Variants in NAT1 observed in about 807,000 individuals in gnomAD.
NAT1 encodes the protein arylamine N-acetyltransferase 1.
For missense variants in NAT1, 400 were observed against 339.2 expected (o/e 1.18, Z -1.41); for synonymous variants, 144 against 122.6 (o/e 1.17, Z -1.16).
chr8:18,177,829 A>G (rs1802347308), intron 2 of NAT1, among the ~76,000 whole-genome samples: 1 of 152,104 alleles, frequency 6.6e-6, no homozygotes, highest in South Asian at 2.1e-4. Context: ...GGCAGCTTAG[A>G]AGACGGATGT....
intron 2 of NAT1, among the ~76,000 whole-genome samples, chr8:18,182,790 T>C (rs1400574266): frequency 6.6e-6 from 1 of 152,192 alleles, no homozygotes; most frequent in Non-Finnish European, 1.5e-5. Flanking sequence ...TGTTGGGATT[T>C]AGATGGGGAT....
chr8:18,220,449 A>G (rs1249436821), intron 2 of NAT1, among the ~76,000 whole-genome samples: 2 of 152,236 alleles, frequency 1.3e-5, no homozygotes, highest in African/African-American at 4.8e-5. Flanking sequence ...CAAAAGAGTT[A>G]TACCTGAGGT....
chr8:18,179,878 G>A (rs1563162322), intron 2 of NAT1, among the ~76,000 whole-genome samples: 1 of 152,248 alleles, frequency 6.6e-6, no homozygotes, highest in South Asian at 2.1e-4. Context: ...TGCCTCTAAT[G>A]ATTTGCAGTG....
At chr8:18,188,529 C>G (rs1182692818) in intron 2 of NAT1, among the ~76,000 whole-genome samples, 1 of 151,960 alleles carries the variant, frequency 6.6e-6, no homozygotes, top group Non-Finnish European at 1.5e-5. Flanking sequence ...ATTTTATCAA[C>G]TTTTATTAAA....
At position 18,221,671 on chromosome 8, in the gene NAT1, C is replaced by T. The variant is rs540732483; in HGVS notation, c.-6-371C>T. 4.2e-5 allele frequency: 8 copies of T among 191,364 alleles called. No homozygotes were observed. In the South Asian group the frequency reaches 8.7e-4, roughly 21 times the overall value. 11.9% of individuals were successfully genotyped at this position (191,364 alleles called of 1,614,324 possible). A position where few individuals can be genotyped will look rare whatever the true frequency, so the allele number is the denominator to read the frequency against. On this transcript the variant is annotated intron_variant, in intron 2 of 2. Coordinates refer to ENST00000307719, the MANE Select transcript of NAT1 (RefSeq NM_000662.8). ...TCAGGTACCACGGATACTATACACT[C>T]TATTGCATGATTCTCCTGCCTACAT...
chr8:18,203,617 T>A (rs1351707029), intron 2 of NAT1, among the ~76,000 whole-genome samples: 1 of 152,242 alleles, frequency 6.6e-6, no homozygotes, highest in Non-Finnish European at 1.5e-5. Flanking sequence ...TTGTGCCTCC[T>A]GGCTATGCTG....
chr8:18,206,459 A>T (rs949141710), upstream of NAT1, among the ~76,000 whole-genome samples: 2 of 152,160 alleles, frequency 1.3e-5, no homozygotes, highest in Admixed American at 6.5e-5. Context: ...GAAAAACTGA[A>T]TGCTATTCCT....
intron 2 of NAT1, among the ~76,000 whole-genome samples, chr8:18,173,817 A>C (rs1053963584): frequency 6.6e-6 from 1 of 152,162 alleles, no homozygotes; most frequent in African/African-American, 2.4e-5. Context: ...ACTACCCCAT[A>C]ACATCAGAGA....
upstream of NAT1, among the ~76,000 whole-genome samples, chr8:18,208,232 G>A (rs1248309352): frequency 1.3e-5 from 2 of 151,940 alleles, no homozygotes; most frequent in Admixed American, 6.6e-5. Context: ...GGCACACATT[G>A]ACCTACGTAA....
chr8:18,187,064 T>C (rs115087405), intron 2 of NAT1, among the ~76,000 whole-genome samples: 4,832 of 152,272 alleles, frequency 0.032, 242 homozygotes, highest in African/African-American at 0.11. Context: ...TAACATCTTT[T>C]GCCACCTATA....
At chr8:18,199,023 C>T (rs1803351445) in intron 2 of NAT1, among the ~76,000 whole-genome samples, 1 of 151,656 alleles carries the variant, frequency 6.6e-6, no homozygotes, top group South Asian at 2.1e-4. Context: ...CCTTTAAGAC[C>T]TTTTTTTTGG....
intron 2 of NAT1, among the ~76,000 whole-genome samples, chr8:18,187,693 G>T (rs1277971346): frequency 6.6e-6 from 1 of 151,874 alleles, no homozygotes; most frequent in Non-Finnish European, 1.5e-5. Flanking sequence ...CACACACTGG[G>T]GCCTACTTGA....
chr8:18,213,883 G>A (rs933614486), intron 1 of NAT1, among the ~76,000 whole-genome samples: 48 of 150,206 alleles, frequency 3.2e-4, no homozygotes, highest in African/African-American at 1.0e-3. Context: ...GCACTATCTC[G>A]GCTCACTGCA....
At chr8:18,184,312 T>A (rs1036420117) in intron 2 of NAT1, among the ~76,000 whole-genome samples, 12 of 152,086 alleles carry the variant, frequency 7.9e-5, no homozygotes, top group African/African-American at 2.9e-4. Flanking sequence ...AATGCATGGA[T>A]CAGAGTCCTG....
At chr8:18,177,465 T>C (rs1340015721) in intron 2 of NAT1, among the ~76,000 whole-genome samples, 1 of 152,106 alleles carries the variant, frequency 6.6e-6, no homozygotes, top group Non-Finnish European at 1.5e-5. Flanking sequence ...AATGGGAAAA[T>C]TGCTTTATTT....
At chr8:18,178,932 A>G (rs1316462799) in intron 2 of NAT1, among the ~76,000 whole-genome samples, 2 of 152,164 alleles carry the variant, frequency 1.3e-5, no homozygotes, top group Admixed American at 1.3e-4. Context: ...TCACTAAACA[A>G]CAAGTGTTCT....
chr8:18,170,711 T>G (rs1178110351), exon 2 of NAT1: 2 of 152,178 alleles, frequency 1.3e-5, no homozygotes, highest in South Asian at 4.1e-4. Flanking sequence ...GAACTTCCAG[T>G]GACCATCCCA....
intron 2 of NAT1, among the ~76,000 whole-genome samples, chr8:18,187,936 AACACACACACAC>A (rs35203470): frequency 0.028 from 3,802 of 137,494 alleles, 167 homozygotes; most frequent in African/African-American, 0.095. Flanking sequence ...TTGTATCTTA[AACACACACACAC>A]ACACACACAC....
chr8:18,189,996 G>A (rs866852139), intron 2 of NAT1, among the ~76,000 whole-genome samples: 4 of 152,068 alleles, frequency 2.6e-5, no homozygotes, highest in African/African-American at 9.7e-5. Context: ...CACCATGTTC[G>A]CCAGGCTGGT....
Sources: gnomAD v4.1 joint callset for allele counts (sites outside exome capture counted in the v4.1 genomes callset) on GRCh38, gnomAD v4.1.1 for gene constraint, MANE v1.5 for transcripts, NCBI Gene and HGNC (gene_info 2026-07-23, HGNC 2026-07-21) for gene names.